The following XIRP2 variants were observed in gnomAD, a reference collection of about 807,000 sequenced individuals.
XIRP2 encodes the protein xin actin binding repeat containing 2.
In XIRP2, 236 loss-of-function variants were observed where a neutral mutation model predicts 277.0. The observed-to-expected ratio is 0.85, with a 90% CI of 0.77 to 0.95. XIRP2 has a LOEUF of 0.95. Ranked by LOEUF, XIRP2 falls within the 40% of genes least tolerant of loss-of-function variation. The probability of loss-of-function intolerance (pLI) is 0.00; values close to 1 mark genes in which losing one functional copy is unlikely to be tolerated. For synonymous variants in XIRP2, 1,490 were observed against 1,416.5 expected (o/e 1.05, Z -1.17); for missense variants, 4,640 against 4,157.5 (o/e 1.12, Z -3.19).
At chr2:167,080,156 A>C (rs1443930647) in intron 2 of XIRP2, among the ~76,000 whole-genome samples, 1 of 152,190 alleles carries the variant, frequency 6.6e-6, no homozygotes, top group Non-Finnish European at 1.5e-5. Flanking sequence ...TAAATGGCGA[A>C]AAGTGGTATT....
At chr2:167,252,696 T>G (rs1355079896) in intron 9 of XIRP2, among the ~76,000 whole-genome samples, 1 of 151,994 alleles carries the variant, frequency 6.6e-6, no homozygotes, top group Non-Finnish European at 1.5e-5. Context: ...GAACAGCTCA[T>G]TTCCCTACTT....
At chr2:167,232,835 A>T (rs556554539) in intron 5 of XIRP2, among the ~76,000 whole-genome samples, 73 of 152,028 alleles carry the variant, frequency 4.8e-4, no homozygotes, top group African/African-American at 1.6e-3. Flanking sequence ...TAACCCAGGA[A>T]GGCTGACTCT....
intron 10 of XIRP2, among the ~76,000 whole-genome samples, chr2:167,254,725 T>C (rs1695611674): frequency 6.6e-6 from 1 of 151,834 alleles, no homozygotes; most frequent in Non-Finnish European, 1.5e-5. Flanking sequence ...TTTTTAAAAA[T>C]GAAATTGAAA....
intron 2 of XIRP2, among the ~76,000 whole-genome samples, chr2:167,011,056 C>G (rs1471779218): frequency 6.6e-6 from 1 of 151,660 alleles, no homozygotes; most frequent in Non-Finnish European, 1.5e-5. Flanking sequence ...AATTGAATAC[C>G]CTTTATTTCC....
intron 5 of XIRP2, among the ~76,000 whole-genome samples, chr2:167,232,471 G>A (rs529997323): frequency 3.8e-4 from 58 of 151,876 alleles, no homozygotes; most frequent in African/African-American, 1.3e-3. Flanking sequence ...TGGGAGATTT[G>A]CTTCTTCTTT....
chr2:167,249,390 T>C lies in XIRP2; in HGVS notation c.7998T>C (p.Ile2666=). The change falls in exon 9 of 11, where the codon ATT becomes ATC. Residue 2666 remains isoleucine (I), a synonymous_variant. Transcript: ENST00000409195. The part of the protein sequence containing the change: ...KKEVLQSSRD[I]MQSKSACEIK... Reference sequence around the variant, plus strand: ...AAGTTTTACAAAGCTCAAGGGACATTATGCAATCCAAATCAGCTTGCGAAA... The same window carrying C: ...AAGTTTTACAAAGCTCAAGGGACATCATGCAATCCAAATCAGCTTGCGAAA... 6.2e-7 allele frequency: 1 copy of C among 1,613,766 alleles called. No homozygotes were observed. The highest frequency in any genetic ancestry group is 1.1e-5 in the South Asian group (1 of 91,080).
At chr2:167,092,114 T>A (rs1375390059) in intron 2 of XIRP2, among the ~76,000 whole-genome samples, 3 of 152,156 alleles carry the variant, frequency 2.0e-5, no homozygotes, top group Non-Finnish European at 4.4e-5. Flanking sequence ...AAAATCATGT[T>A]GCTTGGGGGA....
chr2:167,066,545 T>A (rs1395940354), intron 2 of XIRP2, among the ~76,000 whole-genome samples: 1 of 152,000 alleles, frequency 6.6e-6, no homozygotes, highest in Non-Finnish European at 1.5e-5. Flanking sequence ...GTGCAGCTGT[T>A]ATGAAAAACA....
chr2:167,242,402 A>C (rs898335252), intron 8 of XIRP2, among the ~76,000 whole-genome samples, 167 bp from the exon 9 acceptor site: 1 of 152,188 alleles, frequency 6.6e-6, no homozygotes, highest in African/African-American at 2.4e-5. Context: ...GATAGTGACA[A>C]ATATTGACTA....
intron 3 of XIRP2, among the ~76,000 whole-genome samples, chr2:167,198,362 C>T (rs1693581761): frequency 6.6e-6 from 1 of 152,124 alleles, no homozygotes; most frequent in Non-Finnish European, 1.5e-5. Flanking sequence ...AATATGTAAA[C>T]ATTCCTGTTC....
At chr2:167,065,973 A>T (rs1475847630) in intron 2 of XIRP2, among the ~76,000 whole-genome samples, 1 of 151,948 alleles carries the variant, frequency 6.6e-6, no homozygotes, top group Non-Finnish European at 1.5e-5. Context: ...TACACACTTA[A>T]TGTATGCAAT....
chr2:167,153,987 G>A lies in XIRP2; in HGVS notation c.562+17925G>A, dbSNP rs546640196. Among the ~76,000 whole-genome samples the A allele has an allele frequency of 6.0e-4, 90 of 150,710 alleles. 1 individual carries two copies. The highest frequency in any genetic ancestry group is 2.1e-3 in the African/African-American group (84 of 40,812). On this transcript the variant is annotated intron_variant, in intron 3 of 10. Coordinates refer to ENST00000409195, the MANE Select transcript of XIRP2 (RefSeq NM_152381.6). ...TAGATCCCTGAGGAATCGCCACACT[G>A]ACTTCCACAATGGTTGAACTAGTTT... is the stretch of plus-strand genomic sequence containing the variant.
In XIRP2 at chr2:167,249,222, C is replaced by G. The variant is rs772952643; in HGVS notation, c.7830C>G (p.Pro2610=). 3 of 1,613,656 alleles carry G rather than the reference C, an allele frequency of 1.9e-6. 1 individual carries two copies. The Admixed American group carries it at 5.0e-5, about 27-fold the overall frequency. ...GIDSECTVVQ[P]SPGSQSNARI... ...ATTCAGAATGCACTGTGGTTCAACC[C>G]AGCCCAGGCTCTCAAAGTAATGCTC... is the stretch of plus-strand genomic sequence containing the variant. The change falls in exon 9 of 11, where the codon CCC becomes CCG. Residue 2610 remains proline, a synonymous_variant. Coordinates refer to ENST00000409195, the MANE Select transcript of XIRP2 (RefSeq NM_152381.6).
At chr2:166,944,779 C>T (rs978458660) in intron 2 of XIRP2, among the ~76,000 whole-genome samples, 2 of 152,098 alleles carry the variant, frequency 1.3e-5, no homozygotes, top group Non-Finnish European at 2.9e-5. Flanking sequence ...CATCATTATT[C>T]CATTTTTAGT....
intron 3 of XIRP2, among the ~76,000 whole-genome samples, chr2:167,198,864 C>T (rs779029950): frequency 6.6e-6 from 1 of 152,112 alleles, no homozygotes; most frequent in Non-Finnish European, 1.5e-5. Flanking sequence ...TTCTATCAGT[C>T]ATTAAGTTCA....
chr2:166,977,705 GTAATCACAAAGATGGAGAGGGGAA>G (rs1208880660), intron 2 of XIRP2, among the ~76,000 whole-genome samples: 1 of 152,160 alleles, frequency 6.6e-6, no homozygotes, highest in African/African-American at 2.4e-5. Flanking sequence ...ACAAAGGGAA[GTAATCACAAAGATGGAGAGGGGAA>G]TAAGTGAAGT....
At position 167,247,369 on chromosome 2, in the gene XIRP2, G is replaced by A. The variant is rs1161937443; in HGVS notation, c.5977G>A (p.Gly1993Arg). 1 of 1,613,708 alleles carries A rather than the reference G, an allele frequency of 6.2e-7. No individual in the cohort carries two copies. Among genetic ancestry groups the A allele is most frequent in the Non-Finnish European group, 8.5e-7 (1 of 1,179,786 alleles). The stretch of plus-strand genomic sequence containing the variant: ...TGAGCCAGCGGCCAAGTGGCAAGGG[G>A]GAGCAGATACTCTCAGTCAAACTAT... Reference protein sequence around the residue: ...PFEPAAKWQGGADTLSQTMGK... With the variant: ...PFEPAAKWQGRADTLSQTMGK... Residue 1993 changes from glycine (G) to arginine (R), a missense_variant, in exon 9 of 11, where the codon GGA becomes AGA. Coordinates refer to ENST00000409195, the MANE Select transcript of XIRP2 (RefSeq NM_152381.6).
chr2:166,937,945 C>T (rs1480536374), intron 2 of XIRP2, among the ~76,000 whole-genome samples: 1 of 151,868 alleles, frequency 6.6e-6, no homozygotes, highest in Admixed American at 6.6e-5. Flanking sequence ...GGTGATATCC[C>T]CTTTATCATT....
intron 2 of XIRP2, among the ~76,000 whole-genome samples, chr2:167,087,663 G>A (rs569397679): frequency 9.9e-5 from 15 of 152,268 alleles, no homozygotes; most frequent in South Asian, 2.1e-4. Context: ...TTTTTAAGCC[G>A]GTCGGAAAAG....
Sources: allele counts gnomAD v4.1 joint callset (sites outside exome capture counted in the v4.1 genomes callset), GRCh38; gene constraint gnomAD v4.1.1; transcripts MANE v1.5; gene names NCBI Gene and HGNC (gene_info 2026-07-23, HGNC 2026-07-21).